The following CTC1 variants were observed in gnomAD, a reference collection of about 807,000 sequenced individuals.
CTC1 encodes CST telomere replication complex component 1, also known as CST complex subunit CTC1.
Under a neutral mutation model 136.3 loss-of-function variants are expected in CTC1, and 91 were observed. The observed-to-expected ratio is 0.67, with a 90% confidence interval of 0.56 to 0.79. The LOEUF is 0.79. Among genes scored for constraint, CTC1 ranks in the 30% least tolerant of loss-of-function variants. The pLI is 0.00. For missense variants in CTC1, 1,432 were observed against 1,498.1 expected (o/e 0.96, Z 0.73); for synonymous variants, 606 against 613.8 (o/e 0.99, Z 0.19).
Position 8,229,458 on chromosome 17 carries a change from C to G in CTC1, c.3012-12G>C, listed in dbSNP as rs1490852855. On this transcript the variant is annotated splice_polypyrimidine_tract_variant and intron_variant, in intron 18 of 22. Transcript: ENST00000651323. Reference sequence around the variant, plus strand: ...GGGGCAGGGGAATGCTAAATAAATACAGGGAGACAGAGACAGGGGTCAAGA... The same window carrying G: ...GGGGCAGGGGAATGCTAAATAAATAGAGGGAGACAGAGACAGGGGTCAAGA... 7 of 1,610,576 alleles carry G rather than the reference C, an allele frequency of 4.3e-6. No individual in the cohort carries two copies. The highest frequency in any genetic ancestry group is 1.3e-5 in the African/African-American group (1 of 74,950).
At chr17:8,246,731 AG>A (rs1988747920) in intron 1 of CTC1, among the ~76,000 whole-genome samples, 1 of 151,990 alleles carries the variant, frequency 6.6e-6, no homozygotes, top group Non-Finnish European at 1.5e-5. Flanking sequence ...CTTAAAAAAA[AG>A]AAAAAAAATA....
chr17:8,241,761 G>A (rs966043811), intron 2 of CTC1, among the ~76,000 whole-genome samples: 21 of 149,094 alleles, frequency 1.4e-4, no homozygotes, highest in Non-Finnish European at 7.4e-5. Context: ...GCTGAGGCAG[G>A]AGAATTGCTT....
chr17:8,237,885 T>C (rs991268333), intron 4 of CTC1, 146 bp downstream of exon 4: 2 of 681,136 alleles, frequency 2.9e-6, no homozygotes, highest in South Asian at 2.1e-5. Context: ...CTCTTTACCT[T>C]CTTAATATTC....
In CTC1 at chr17:8,236,327, C is replaced by G; in HGVS notation, c.808G>C (p.Val270Leu). ...CCAGGCCGAAGGGCTCTGTGCCACACCAGCTGGGCAGGGACCTGGCTTGTG... is the reference window on the plus strand; with the variant it reads ...CCAGGCCGAAGGGCTCTGTGCCACAGCAGCTGGGCAGGGACCTGGCTTGTG... Reference protein sequence around the residue: ...SIIVQVPAQLVWHRALRPGTA... With the variant: ...SIIVQVPAQLLWHRALRPGTA... The change falls in exon 6 of 23, where the codon GTG (valine) becomes CTG (leucine). Residue 270 changes from valine to leucine, a missense_variant. By Grantham distance (32) the Val-to-Leu change is conservative. Coordinates refer to ENST00000651323, the MANE Select transcript of CTC1 (RefSeq NM_025099.6). 3 of 1,607,662 alleles carry G rather than the reference C, an allele frequency of 1.9e-6. No individual in the cohort carries two copies. The South Asian group carries it at 3.3e-5, about 18-fold the overall frequency.
At position 8,238,076 on chromosome 17, in the gene CTC1, A is replaced by G; in HGVS notation, c.602T>C (p.Ile201Thr). The G allele has an allele frequency of 6.2e-7, 1 of 1,614,134 alleles. No individual in the cohort carries two copies. The highest frequency in any genetic ancestry group is 8.5e-7 in the Non-Finnish European group (1 of 1,180,014). ...LTISPGPVTP[I>T]PVLYPESASC... Reference sequence around the variant, plus strand: ...AGCACTCTCTGGGTAGAGGACAGGGATAGGCGTGACGGGGCCAGGACTGAT... The same window carrying G: ...AGCACTCTCTGGGTAGAGGACAGGGGTAGGCGTGACGGGGCCAGGACTGAT... Residue 201 changes from isoleucine to threonine, a missense_variant, in exon 4 of 23, where the codon ATC (isoleucine) becomes ACC (threonine). Coordinates refer to ENST00000651323, the MANE Select transcript of CTC1 (RefSeq NM_025099.6).
chr17:8,229,532 C>T, intron 18 of CTC1, 86 bp from the exon 19 acceptor site: 1 of 1,205,102 alleles, frequency 8.3e-7, no homozygotes, highest in African/African-American at 1.5e-5. Context: ...TCTAGAAGGA[C>T]TTAGAGGGCA....
At position 8,235,147 on chromosome 17, in the gene CTC1, C is replaced by T. The variant is rs750352024; in HGVS notation, c.1345G>A (p.Gly449Arg). Residue 449 changes from glycine (G) to arginine (R), a missense_variant, in exon 8 of 23, where the codon GGG becomes AGG. By Grantham distance (125) the Gly-to-Arg change is moderately radical (BLOSUM62 -2). Coordinates refer to ENST00000651323, the MANE Select transcript of CTC1 (RefSeq NM_025099.6). ...ACCAGCTGCTCGTACAGGGAGGCCC[C>T]GTAGGCTTGACGGGATGAGTGAGCC... is the stretch of plus-strand genomic sequence containing the variant. ...PGAHSSRQAY[G>R]ASLYEQLVWE... 4 of 1,614,138 alleles carry T rather than the reference C, an allele frequency of 2.5e-6. No individual in the cohort carries two copies. Among genetic ancestry groups the T allele is most frequent in the African/African-American group, 1.3e-5 (1 of 75,032 alleles).
In CTC1 at chr17:8,228,137, G is replaced by T; in HGVS notation, c.*43C>A. 6.3e-7 allele frequency: 1 copy of T among 1,598,874 alleles called. No individual in the cohort carries two copies. The highest frequency in any genetic ancestry group is 8.6e-7 in the Non-Finnish European group (1 of 1,167,474). On this transcript the variant is annotated 3_prime_UTR_variant, in exon 23 of 23. Coordinates refer to ENST00000651323, the MANE Select transcript of CTC1 (RefSeq NM_025099.6). ...GAGGAGCCAGGACCTAGGCCTTCAGGTTTTCAGCAAGGAAGGACTCTCAGG... is the reference window on the plus strand; with the variant it reads ...GAGGAGCCAGGACCTAGGCCTTCAGTTTTTCAGCAAGGAAGGACTCTCAGG...
intron 2 of CTC1, 121 bp downstream of exon 2, chr17:8,242,864 G>C: frequency 1.2e-6 from 1 of 825,536 alleles, no homozygotes; most frequent in Non-Finnish European, 1.8e-6. Context: ...GGTATGTTTA[G>C]ACTACCTTGT....
chr17:8,246,967 TATTTATTTA>T (rs1988779106), intron 1 of CTC1, among the ~76,000 whole-genome samples: 3 of 8,308 alleles, frequency 3.6e-4, no homozygotes, highest in African/African-American at 4.6e-4. Flanking sequence ...CTTAACATCT[TATTTATTTA>T]TTTATTTATT....
At chr17:8,239,355 C>T (rs1597390699) in intron 2 of CTC1, among the ~76,000 whole-genome samples, 1 of 152,092 alleles carries the variant, frequency 6.6e-6, no homozygotes. Flanking sequence ...ACTACAATGA[C>T]CCCAGTCAAG....
chr17:8,229,975 G>A lies in CTC1; in HGVS notation c.2934-7C>T. 6.2e-7 allele frequency: 1 copy of A among 1,613,892 alleles called. No homozygotes were observed. The highest frequency in any genetic ancestry group is 8.5e-7 in the Non-Finnish European group (1 of 1,179,810). ...ACAATAAACATTGTGAGATCTGCAA[G>A]TGGAAGAGGAATAGTGAGTGACCAG... is the stretch of plus-strand genomic sequence containing the variant. On this transcript the variant is annotated splice_region_variant and splice_polypyrimidine_tract_variant and intron_variant, in intron 17 of 22. Transcript: ENST00000651323.
Position 8,230,669 on chromosome 17 carries a change from T to C in CTC1, c.2670-18A>G. The C allele has an allele frequency of 6.2e-7, 1 of 1,607,656 alleles. No individual in the cohort carries two copies. The highest frequency in any genetic ancestry group is 8.5e-7 in the Non-Finnish European group (1 of 1,174,242). ...CTGTGAAACTGGAAGGTCAGGGAAA[T>C]ACACTGAGAATGGAGGCACAAGAAA... On this transcript the variant is annotated intron_variant, in intron 15 of 22. Coordinates refer to ENST00000651323, the MANE Select transcript of CTC1 (RefSeq NM_025099.6).
chr17:8,242,832 G>A (rs942258599), intron 2 of CTC1, among the ~76,000 whole-genome samples, 153 bp downstream of exon 2: 2 of 151,382 alleles, frequency 1.3e-5, no homozygotes, highest in East Asian at 1.9e-4. Flanking sequence ...GCTTGATAGT[G>A]TTAGAAAAGC....
rs1221937572 is a variant in CTC1 at position 8,226,192 on chromosome 17, G to A, written c.*1988C>T. On this transcript the variant is annotated 3_prime_UTR_variant, in exon 23 of 23. Transcript: ENST00000651323. ...CTGATATAAAAACAATACATGAAAG[G>A]ATGTGGATTTAGCCGCAAAATCACG... 3 of 152,164 alleles carry A rather than the reference G, an allele frequency of 2.0e-5. No individual in the cohort carries two copies. Among genetic ancestry groups the A allele is most frequent in the African/African-American group, 4.8e-5 (2 of 41,420 alleles). 9.4% of individuals were successfully genotyped at this position (152,164 alleles called of 1,614,324 possible).
chr17:8,247,275 T>C (rs538471375), intron 1 of CTC1, among the ~76,000 whole-genome samples: 2 of 151,492 alleles, frequency 1.3e-5, no homozygotes, highest in South Asian at 4.2e-4. Flanking sequence ...TGAATATGTG[T>C]TTGCTTCCGT....
rs754401174 is a variant in CTC1 at position 8,230,640 on chromosome 17, G to T, written c.2681C>A (p.Ser894Tyr). ...AATCTCAGCGGAGAAAGACACCAAG[G>T]AATCTGTGAAACTGGAAGGTCAGGG... ...TDLLSDNFTD[S>Y]LVSFSAEILS... The change falls in exon 16 of 23, where the codon TCC (serine) becomes TAC (tyrosine). Residue 894 changes from serine to tyrosine, a missense_variant. By Grantham distance (144) the Ser-to-Tyr change is moderately radical. Transcript: ENST00000651323. 1 of 1,614,094 alleles carries T rather than the reference G, an allele frequency of 6.2e-7. No homozygotes were observed. Among genetic ancestry groups the T allele is most frequent in the Non-Finnish European group, 8.5e-7 (1 of 1,179,946 alleles).
In CTC1 at chr17:8,228,896, T is replaced by C. The variant is rs562479062; in HGVS notation, c.3222-4A>G. 3.2e-5 allele frequency: 52 copies of C among 1,609,534 alleles called. No homozygotes were observed. In the East Asian group the frequency reaches 1.0e-3, roughly 32 times the overall value. ...AGTCCCATCCTCCACCAGGAGCCTA[T>C]GGGGAGCAGGAGGAAATAAAAACGC... On this transcript the variant is annotated splice_region_variant and splice_polypyrimidine_tract_variant and intron_variant, in intron 20 of 22. Coordinates refer to ENST00000651323, the MANE Select transcript of CTC1 (RefSeq NM_025099.6).
At chr17:8,229,085 T>TA in intron 20 of CTC1, 57 bp downstream of exon 20, 5 of 1,568,136 alleles carry the variant, frequency 3.2e-6, no homozygotes, top group Non-Finnish European at 4.4e-6. Flanking sequence ...AAACTGCAGA[T>TA]AGACAAAGTG....
Sources: allele counts gnomAD v4.1 joint callset (sites outside exome capture counted in the v4.1 genomes callset), GRCh38; gene constraint gnomAD v4.1.1; transcripts MANE v1.5; gene names NCBI Gene and HGNC (gene_info 2026-07-23, HGNC 2026-07-21).